Variants in NWD2 observed in about 807,000 individuals in gnomAD.
NWD2 encodes NACHT and WD repeat domain containing 2, also known as NACHT and WD repeat domain-containing protein 2.
NWD2 carries 37 observed loss-of-function variants against 132.7 expected under a neutral mutation model. That is an observed-to-expected ratio of 0.28 (90% CI 0.21 to 0.37). The LOEUF (loss-of-function observed/expected upper bound fraction) is 0.37, where lower values mean the gene tolerates loss of function less well. Ranked by LOEUF, NWD2 falls within the 10% of genes least tolerant of loss-of-function variation. The probability of loss-of-function intolerance (pLI) is 1.00; values close to 1 mark genes in which losing one functional copy is unlikely to be tolerated. For synonymous variants in NWD2, 705 were observed against 803.0 expected (o/e 0.88, Z 2.06); for missense variants, 1,592 against 2,122.4 (o/e 0.75, Z 4.91).
At chr4:37,377,779 T>C (rs936054275) in intron 3 of NWD2, among the ~76,000 whole-genome samples, 5 of 152,154 alleles carry the variant, frequency 3.3e-5, no homozygotes, top group African/African-American at 1.2e-4. Flanking sequence ...AATAAAATAA[T>C]TTAAAATAGT....
intron 3 of NWD2, among the ~76,000 whole-genome samples, chr4:37,394,100 G>A (rs1266166983): frequency 6.6e-6 from 1 of 152,080 alleles, no homozygotes; most frequent in Non-Finnish European, 1.5e-5. Flanking sequence ...ACCACACTGA[G>A]CACTTAAGTA....
chr4:37,247,156 G>T (rs114492971), intron 1 of NWD2, among the ~76,000 whole-genome samples: 325 of 152,330 alleles, frequency 2.1e-3, no homozygotes, highest in African/African-American at 7.2e-3. Context: ...TTCAATAGGG[G>T]CAGGATCTCA....
At chr4:37,316,947 A>G (rs1718971768) in intron 1 of NWD2, among the ~76,000 whole-genome samples, 1 of 152,306 alleles carries the variant, frequency 6.6e-6, no homozygotes, top group East Asian at 1.9e-4. Flanking sequence ...TAAATCTGTG[A>G]AATCTATTCC....
intron 1 of NWD2, among the ~76,000 whole-genome samples, chr4:37,322,158 T>C (rs577893577): frequency 6.6e-6 from 1 of 152,328 alleles, no homozygotes; most frequent in East Asian, 1.9e-4. Context: ...ATTTATTAAT[T>C]GAGCAAGACT....
chr4:37,434,048 A>G, intron 5 of NWD2, 28 bp downstream of exon 5: 1 of 1,479,056 alleles, frequency 6.8e-7, no homozygotes, highest in African/African-American at 1.4e-5. Context: ...TCAGTAAAAT[A>G]AGAAATATAT....
chr4:37,412,766 C>T (rs1721188157), intron 3 of NWD2, among the ~76,000 whole-genome samples: 1 of 152,206 alleles, frequency 6.6e-6, no homozygotes, highest in Non-Finnish European at 1.5e-5. Context: ...CAGCATGTTA[C>T]TGTTACCAAA....
chr4:37,356,183 A>G (rs1448644672), intron 2 of NWD2, among the ~76,000 whole-genome samples, 183 bp from the exon 3 acceptor site: 5 of 152,222 alleles, frequency 3.3e-5, no homozygotes, highest in Non-Finnish European at 7.3e-5. Context: ...AGAAGAAATT[A>G]TAAGGTTCAT....
At chr4:37,245,320 C>T in intron 1 of NWD2, 102 bp downstream of exon 1, 1 of 1,322,854 alleles carries the variant, frequency 7.6e-7, no homozygotes, top group South Asian at 1.6e-5. Context: ...GCCCTGCGCT[C>T]CCTTCCTCCA....
intron 1 of NWD2, among the ~76,000 whole-genome samples, chr4:37,290,855 G>A (rs2040052): frequency 6.6e-6 from 1 of 152,152 alleles, no homozygotes; most frequent in South Asian, 2.1e-4. Flanking sequence ...TTTTAAATTA[G>A]TTTCTGAGTT....
At chr4:37,245,432 C>T (rs959599580) in intron 1 of NWD2, among the ~76,000 whole-genome samples, 1 of 152,134 alleles carries the variant, frequency 6.6e-6, no homozygotes, top group Non-Finnish European at 1.5e-5. Flanking sequence ...TTAGGACACC[C>T]ATTCTCCACC....
At chr4:37,383,635 A>G (rs1275889379) in intron 3 of NWD2, among the ~76,000 whole-genome samples, 1 of 151,550 alleles carries the variant, frequency 6.6e-6, no homozygotes, top group Non-Finnish European at 1.5e-5. Flanking sequence ...TCACCTGAAA[A>G]CTCACCTAGG....
chr4:37,249,156 CAT>C (rs950808946), intron 1 of NWD2, among the ~76,000 whole-genome samples: 1 of 152,174 alleles, frequency 6.6e-6, no homozygotes. Context: ...TAAATAGACA[CAT>C]GTGGCTGTTG....
intron 1 of NWD2, among the ~76,000 whole-genome samples, chr4:37,248,916 A>G (rs1717296816): frequency 6.6e-6 from 1 of 152,194 alleles, no homozygotes; most frequent in East Asian, 1.9e-4. Context: ...AAAAATACTT[A>G]CGCTCTAATA....
At chr4:37,365,554 T>A (rs1275956954) in intron 3 of NWD2, among the ~76,000 whole-genome samples, 2 of 152,220 alleles carry the variant, frequency 1.3e-5, no homozygotes, top group Non-Finnish European at 2.9e-5. Flanking sequence ...AACAAATATT[T>A]CTTTACTTAT....
chr4:37,404,140 G>A (rs751501480), intron 3 of NWD2, among the ~76,000 whole-genome samples: 1 of 152,140 alleles, frequency 6.6e-6, no homozygotes, highest in Non-Finnish European at 1.5e-5. Context: ...GAACTTCAAA[G>A]TTATGCAAAC....
chr4:37,416,364 T>A lies in NWD2; in HGVS notation c.358-14208T>A, dbSNP rs114535039. ...CCTTTATATATGTACATAAAATATA[T>A]AAATATACATTGGTATCATTTCCAC... On this transcript the variant is annotated intron_variant, in intron 3 of 6. Coordinates refer to ENST00000309447, the MANE Select transcript of NWD2 (RefSeq NM_001144990.2). 3.8e-3 allele frequency among the ~76,000 whole-genome samples: 572 copies of A among 152,152 alleles called. 6 individuals carry two copies. The highest frequency in any genetic ancestry group is 0.013 in the African/African-American group (527 of 41,534).
At chr4:37,293,440 C>G (rs1170619329) in intron 1 of NWD2, among the ~76,000 whole-genome samples, 1 of 152,190 alleles carries the variant, frequency 6.6e-6, no homozygotes, top group Admixed American at 6.5e-5. Flanking sequence ...TAAAGCAAAT[C>G]AAAACCATGC....
rs1224493410 is a variant in NWD2 at position 37,339,886 on chromosome 4, C to T, written c.240+13862C>T. Among the ~76,000 whole-genome samples the T allele has an allele frequency of 2.6e-5, 4 of 151,854 alleles. No homozygotes were observed. The East Asian group carries it at 5.8e-4, about 22-fold the overall frequency. On this transcript the variant is annotated intron_variant, in intron 2 of 6. Transcript: ENST00000309447. ...TCTATTATTCCACAGTCCATATCCA[C>T]GTGTACGTATTATTTAGTTCCCACT...
At chr4:37,384,926 A>G (rs1440302680) in intron 3 of NWD2, among the ~76,000 whole-genome samples, 1 of 152,240 alleles carries the variant, frequency 6.6e-6, no homozygotes, top group Non-Finnish European at 1.5e-5. Flanking sequence ...TCTTCTGCTC[A>G]GCCACACCAG....
Sources: gnomAD v4.1 joint callset for allele counts (sites outside exome capture counted in the v4.1 genomes callset) on GRCh38, gnomAD v4.1.1 for gene constraint, MANE v1.5 for transcripts, NCBI Gene and HGNC (gene_info 2026-07-23, HGNC 2026-07-21) for gene names.